OTUD7B: variants seen among roughly 807,000 people sequenced by gnomAD.
The protein encoded by OTUD7B is OTU domain-containing protein 7B.
In OTUD7B, 34 loss-of-function variants were observed where a neutral mutation model predicts 82.2. The observed-to-expected ratio is 0.41, with a 90% CI of 0.31 to 0.55. The LOEUF is 0.55. Ranked by LOEUF, OTUD7B falls within the 20% of genes least tolerant of loss-of-function variation. The probability of loss-of-function intolerance (pLI) is 0.20; values close to 1 mark genes in which losing one functional copy is unlikely to be tolerated. For missense variants in OTUD7B, 944 were observed against 1,062.1 expected, an observed-to-expected ratio of 0.89 and a Z score of 1.55; for synonymous variants, 398 against 402.7, an observed-to-expected ratio of 0.99 and a Z score of 0.14.
In OTUD7B at chr1:149,958,513, G is replaced by T. The variant is rs149719130; in HGVS notation, c.845+1171C>A. 3.5e-3 allele frequency among the ~76,000 whole-genome samples: 535 copies of T among 151,766 alleles called. 2 individuals carry two copies. The highest frequency in any genetic ancestry group is 5.7e-3 in the Non-Finnish European group (390 of 67,922). On this transcript the variant is annotated intron_variant, in intron 7 of 11. Coordinates refer to ENST00000581312, the MANE Select transcript of OTUD7B (RefSeq NM_020205.4). ...CAGCTAATTTTTTGTATTTTCAGTA[G>T]AGACAGGGTTTCACCACATTGGCCA...
At chr1:149,958,562 C>T (rs1164087444) in intron 7 of OTUD7B, among the ~76,000 whole-genome samples, 5 of 152,158 alleles carry the variant, frequency 3.3e-5, no homozygotes, top group African/African-American at 1.2e-4. Flanking sequence ...TTCCCGCCCA[C>T]CTCGGCCTCC....
At position 149,951,305 on chromosome 1, in the gene OTUD7B, C is replaced by T. The variant is rs180756539; in HGVS notation, c.846-1084G>A. 3.5e-3 allele frequency among the ~76,000 whole-genome samples: 525 copies of T among 151,014 alleles called. 3 individuals are homozygous for T. Among genetic ancestry groups the T allele is most frequent in the African/African-American group, 0.012 (493 of 41,058 alleles). On this transcript the variant is annotated intron_variant, in intron 7 of 11. Transcript: ENST00000581312. ...ATTTTTAGTAGAGACGGGGTTTCAC[C>T]GTGTTGGCCAGGATGGTCTTGATCT...
chr1:150,045,991 T>C, the OTUD7B span, among the ~76,000 whole-genome samples: 1 of 152,238 alleles, frequency 6.6e-6, no homozygotes, highest in African/African-American at 2.4e-5. Context: ...CTTGTAGTTC[T>C]AGTAAGAGTT....
chr1:150,055,518 C>A, the OTUD7B span, among the ~76,000 whole-genome samples: 2 of 152,126 alleles, frequency 1.3e-5, no homozygotes, highest in South Asian at 2.1e-4. Flanking sequence ...GCAGAACTAC[C>A]ATTCGACCCA....
At chr1:150,000,933 C>T (rs1237214730) in intron 1 of OTUD7B, among the ~76,000 whole-genome samples, 1 of 151,112 alleles carries the variant, frequency 6.6e-6, no homozygotes, top group African/African-American at 2.4e-5. Flanking sequence ...GAGCAGAGAT[C>T]GTGCCACTGC....
At chr1:149,951,630 T>C (rs370456324) in intron 7 of OTUD7B, among the ~76,000 whole-genome samples, 1 of 152,288 alleles carries the variant, frequency 6.6e-6, no homozygotes, top group East Asian at 1.9e-4. Context: ...TATTCAATAT[T>C]GGATGCTGAT....
At chr1:150,004,225 T>A (rs2101937755) in intron 1 of OTUD7B, among the ~76,000 whole-genome samples, 1 of 152,240 alleles carries the variant, frequency 6.6e-6, no homozygotes, top group South Asian at 2.1e-4. Context: ...TGTATTAGTA[T>A]CATCATACTG....
intron 1 of OTUD7B, among the ~76,000 whole-genome samples, chr1:149,991,044 G>A (rs1571707880): frequency 1.3e-5 from 2 of 151,986 alleles, no homozygotes; most frequent in Admixed American, 1.3e-4. Context: ...CACAGAGGTT[G>A]GGCCTATGTA....
At chr1:149,984,206 T>C (rs1650980600) in intron 1 of OTUD7B, among the ~76,000 whole-genome samples, 1 of 151,614 alleles carries the variant, frequency 6.6e-6, no homozygotes, top group Non-Finnish European at 1.5e-5. Context: ...TCACCTCCCC[T>C]TACTCCTGTC....
intron 2 of OTUD7B, among the ~76,000 whole-genome samples, chr1:149,972,343 C>T (rs587710974): frequency 3.9e-5 from 6 of 152,338 alleles, no homozygotes; most frequent in East Asian, 1.9e-4. Flanking sequence ...CCTTTGCTCA[C>T]TCTGTTCCAG....
the OTUD7B span, among the ~76,000 whole-genome samples, chr1:150,064,319 G>A: frequency 6.6e-6 from 1 of 152,074 alleles, no homozygotes; most frequent in Non-Finnish European, 1.5e-5. Context: ...TATGACACAA[G>A]TAATCCTTTC....
intron 1 of OTUD7B, among the ~76,000 whole-genome samples, chr1:149,991,243 C>T (rs1651551099): frequency 6.6e-6 from 1 of 152,180 alleles, no homozygotes. Flanking sequence ...CCCACAAACA[C>T]ACACACATTT....
At chr1:149,945,424 A>G (rs1553771882) in intron 11 of OTUD7B, among the ~76,000 whole-genome samples, 1 of 152,162 alleles carries the variant, frequency 6.6e-6, no homozygotes, top group Non-Finnish European at 1.5e-5. Flanking sequence ...GAGCAACCAT[A>G]TGATACGTGG....
chr1:149,945,111 G>C, intron 11 of OTUD7B, 46 bp from the exon 12 acceptor site: 1 of 1,576,452 alleles, frequency 6.3e-7, no homozygotes, highest in Non-Finnish European at 8.6e-7. Context: ...AGCAGCCTGG[G>C]GTGGGGGAAT....
rs1553771330 is a variant in OTUD7B at position 149,944,313 on chromosome 1, G to T, written c.2076C>A (p.Tyr692Ter). Residue 692 changes from tyrosine to a stop codon, truncating the protein, a stop_gained, in exon 12 of 12, where the codon TAC becomes TAA. Coordinates refer to ENST00000581312, the MANE Select transcript of OTUD7B (RefSeq NM_020205.4). LOFTEE classifies it high-confidence loss of function. ...GCCGAGGGATAGTAAAGTCCCCAGG[G>T]TAGCCAGTGGAAAATGCCATTGCCC... The part of the protein sequence containing the change: ...ESRAMAFSTG[Y>*]PGDFTIPRPS... 1 of 1,611,184 alleles carries T rather than the reference G, an allele frequency of 6.2e-7. No individual in the cohort carries two copies. Among genetic ancestry groups the T allele is most frequent in the South Asian group, 1.1e-5 (1 of 90,796 alleles).
chr1:150,067,605 A>T, the OTUD7B span: 1 of 485,336 alleles, frequency 2.1e-6, no homozygotes, highest in Middle Eastern at 5.4e-4. Flanking sequence ...TTCAGGCCGC[A>T]GGTGGGTGGA....
At chr1:149,998,367 C>A (rs1553783844) in intron 1 of OTUD7B, among the ~76,000 whole-genome samples, 2 of 152,206 alleles carry the variant, frequency 1.3e-5, no homozygotes, top group Non-Finnish European at 2.9e-5. Flanking sequence ...AACCAAATTC[C>A]TTTGGCTGAG....
the OTUD7B span, among the ~76,000 whole-genome samples, chr1:150,049,885 T>C: frequency 6.6e-6 from 1 of 152,146 alleles, no homozygotes; most frequent in Non-Finnish European, 1.5e-5. Flanking sequence ...TATTTTCTCA[T>C]TTTTAAAAAA....
chr1:150,005,070 G>A (rs985856471), intron 1 of OTUD7B, among the ~76,000 whole-genome samples: 1 of 152,036 alleles, frequency 6.6e-6, no homozygotes, highest in Non-Finnish European at 1.5e-5. Flanking sequence ...ATTCCTCTGT[G>A]ACATAACTAC....
Sources: allele counts gnomAD v4.1 joint callset (sites outside exome capture counted in the v4.1 genomes callset), GRCh38; gene constraint gnomAD v4.1.1; transcripts MANE v1.5; gene names NCBI Gene and HGNC (gene_info 2026-07-23, HGNC 2026-07-21).